Variants in STAP1 observed in about 807,000 individuals in gnomAD.
STAP1 encodes signal-transducing adaptor protein 1.
In STAP1, 30 loss-of-function variants were observed where a neutral mutation model predicts 37.8. The observed-to-expected ratio is 0.79, with a 90% CI of 0.59 to 1.08. The LOEUF (loss-of-function observed/expected upper bound fraction) is 1.08, where lower values mean the gene tolerates loss of function less well. Ranked by LOEUF, STAP1 falls within the 50% of genes least tolerant of loss-of-function variation. The pLI is 0.00. For missense variants in STAP1, 357 were observed against 349.4 expected, an observed-to-expected ratio of 1.02 and a Z score of -0.17; for synonymous variants, 130 against 116.0, an observed-to-expected ratio of 1.12 and a Z score of -0.78.
At chr4:67,586,690 C>T (rs1385396926) in intron 6 of STAP1, among the ~76,000 whole-genome samples, 1 of 152,126 alleles carries the variant, frequency 6.6e-6, no homozygotes, top group Non-Finnish European at 1.5e-5. Context: ...ATATATTAAG[C>T]TCATGAGAGT....
chr4:67,566,476 G>A (rs1727473607), intron 1 of STAP1, among the ~76,000 whole-genome samples: 1 of 152,172 alleles, frequency 6.6e-6, no homozygotes. Flanking sequence ...CAGATTAAGA[G>A]CCACAAGCTG....
chr4:67,599,796 C>T (rs1190454313), intron 8 of STAP1, among the ~76,000 whole-genome samples: 1 of 151,912 alleles, frequency 6.6e-6, no homozygotes, highest in Non-Finnish European at 1.5e-5. Context: ...TGTGTGCCAC[C>T]ACGGCTGGCT....
chr4:67,572,289 G>T (rs545320187), intron 2 of STAP1, among the ~76,000 whole-genome samples: 1 of 152,320 alleles, frequency 6.6e-6, no homozygotes, highest in East Asian at 1.9e-4. Context: ...AGTGAACAGG[G>T]TGTAGGAAAA....
chr4:67,597,469 G>A, intron 8 of STAP1, among the ~76,000 whole-genome samples: 1 of 152,228 alleles, frequency 6.6e-6, no homozygotes, highest in East Asian at 1.9e-4. Flanking sequence ...GCCTAGTGGA[G>A]CTGTGAGAAG....
At chr4:67,585,530 T>G (rs922208175) in intron 6 of STAP1, among the ~76,000 whole-genome samples, 10 of 152,214 alleles carry the variant, frequency 6.6e-5, no homozygotes, top group Non-Finnish European at 1.3e-4. Context: ...GTTCTTTGTG[T>G]AAGGAAATGT....
In STAP1 at chr4:67,562,535, G is replaced by A. The variant is rs1727371818; in HGVS notation, c.120+3606G>A. The stretch of plus-strand genomic sequence containing the variant: ...AATCCCAGCACTTTGGGAGGCCGAG[G>A]CGGGCGGATCACGAGGTCAGAAGAT... On this transcript the variant is annotated intron_variant, in intron 1 of 8. Transcript: ENST00000265404. Among the ~76,000 whole-genome samples the A allele has an allele frequency of 4.0e-5, 6 of 151,556 alleles. No individual in the cohort carries two copies. In the South Asian group the frequency reaches 1.3e-3, roughly 32 times the overall value.
At chr4:67,590,977 T>C (rs1456238212) in intron 7 of STAP1, 24 bp downstream of exon 7, 2 of 1,586,416 alleles carry the variant, frequency 1.3e-6, no homozygotes, top group Non-Finnish European at 1.7e-6. Context: ...TTTGTTGTTG[T>C]TGATGAACTT....
At position 67,606,563 on chromosome 4, in the gene STAP1, G is replaced by A. The variant is rs531474544; in HGVS notation, c.*206G>A. 1.4e-5 allele frequency: 7 copies of A among 489,756 alleles called. No homozygotes were observed. Among genetic ancestry groups the A allele is most frequent in the East Asian group, 1.4e-4 (4 of 28,532 alleles). 30.3% of individuals were successfully genotyped at this position (489,756 alleles called of 1,614,324 possible). A position where few individuals can be genotyped will look rare whatever the true frequency, so the allele number is the denominator to read the frequency against. On this transcript the variant is annotated 3_prime_UTR_variant, in exon 9 of 9. Coordinates refer to ENST00000265404, the MANE Select transcript of STAP1 (RefSeq NM_012108.4). ...AATTCACAGGGAAACTAGAGACTAC[G>A]GCTGTGGTGGTAACCTGCAGATATA...
chr4:67,562,924 A>G (rs1727383878), intron 1 of STAP1, among the ~76,000 whole-genome samples: 1 of 152,258 alleles, frequency 6.6e-6, no homozygotes, highest in East Asian at 1.9e-4. Flanking sequence ...TTCTCTCCCA[A>G]TGGATCATCT....
chr4:67,581,565 G>C, intron 5 of STAP1, 94 bp downstream of exon 5: 1 of 1,372,712 alleles, frequency 7.3e-7, no homozygotes, highest in South Asian at 1.4e-5. Context: ...TGTTAAGCCA[G>C]GGACAATAAG....
rs547939777 is a variant in STAP1, at chr4:67,600,710, C to T, written c.827-5586C>T. On this transcript the variant is annotated intron_variant, in intron 8 of 8. Transcript: ENST00000265404. The stretch of plus-strand genomic sequence containing the variant: ...ATTATATATATTTGCAATTGTACTT[C>T]TTGCTGAATTGACCCTTTCATCATT... Among the ~76,000 whole-genome samples the T allele has an allele frequency of 2.8e-3, 427 of 152,192 alleles. 2 individuals carry two copies. The highest frequency in any genetic ancestry group is 5.0e-3 in the Non-Finnish European group (340 of 67,984).
intron 6 of STAP1, 39 bp from the exon 7 acceptor site, chr4:67,590,845 G>A (rs776925117): frequency 7.0e-6 from 10 of 1,434,710 alleles, no homozygotes; most frequent in South Asian, 2.4e-5. Flanking sequence ...TTACCCAATT[G>A]TATAATAAAA....
chr4:67,591,936 CTAAG>C (rs1306048357), intron 7 of STAP1, among the ~76,000 whole-genome samples: 1 of 152,084 alleles, frequency 6.6e-6, no homozygotes, highest in Non-Finnish European at 1.5e-5. Context: ...ATCCAAATAA[CTAAG>C]TGACTACAAG....
intron 4 of STAP1, among the ~76,000 whole-genome samples, chr4:67,578,720 C>T (rs1013751336): frequency 1.3e-5 from 2 of 151,568 alleles, no homozygotes; most frequent in Non-Finnish European, 2.9e-5. Context: ...AAAGTTTTGG[C>T]CAAACATTTT....
chr4:67,604,934 T>G (rs1347953316), intron 8 of STAP1, among the ~76,000 whole-genome samples: 2 of 152,234 alleles, frequency 1.3e-5, no homozygotes, highest in Non-Finnish European at 2.9e-5. Flanking sequence ...ATGCCTTAGT[T>G]TAGCTGTCAA....
At chr4:67,604,348 G>A (rs555110394) in intron 8 of STAP1, among the ~76,000 whole-genome samples, 1 of 152,100 alleles carries the variant, frequency 6.6e-6, no homozygotes, top group Non-Finnish European at 1.5e-5. Flanking sequence ...ATTGCTCACC[G>A]GATTTTTGGT....
At chr4:67,600,808 G>T (rs1728322770) in intron 8 of STAP1, among the ~76,000 whole-genome samples, 1 of 151,926 alleles carries the variant, frequency 6.6e-6, no homozygotes, top group South Asian at 2.1e-4. Context: ...CCTGATTTTA[G>T]ATTTCTATTT....
chr4:67,595,448 G>T (rs1728205072), intron 8 of STAP1, among the ~76,000 whole-genome samples: 1 of 151,742 alleles, frequency 6.6e-6, no homozygotes, highest in Non-Finnish European at 1.5e-5. Context: ...ACTTGGGAGG[G>T]TGAGGCAGCC....
chr4:67,603,606 C>T (rs1464207320), intron 8 of STAP1, among the ~76,000 whole-genome samples: 1 of 152,074 alleles, frequency 6.6e-6, no homozygotes, highest in East Asian at 1.9e-4. Context: ...TGAATACTGC[C>T]AGGACTGAGT....
Sources: allele counts gnomAD v4.1 joint callset (sites outside exome capture counted in the v4.1 genomes callset), GRCh38; gene constraint gnomAD v4.1.1; transcripts MANE v1.5; gene names NCBI Gene and HGNC (gene_info 2026-07-23, HGNC 2026-07-21).